The following ITGA11 variants were observed in gnomAD, a reference collection of about 807,000 sequenced individuals.
The protein encoded by ITGA11 is integrin subunit alpha 11, also known as integrin alpha-11.
ITGA11 carries 97 observed loss-of-function variants against 141.9 expected under a neutral mutation model. The ratio of observed to expected loss-of-function variants is 0.68; its 90% confidence interval spans 0.58 to 0.81. The LOEUF (loss-of-function observed/expected upper bound fraction) is 0.81. Ranked by LOEUF, ITGA11 falls within the 30% of genes least tolerant of loss-of-function variation. The pLI, the probability that ITGA11 is intolerant of heterozygous loss-of-function variation, is 0.00. For synonymous variants in ITGA11, 658 were observed against 624.6 expected (o/e 1.05, Z -0.80); for missense variants, 1,387 against 1,559.2 (o/e 0.89, Z 1.86).
At position 68,301,788 on chromosome 15, in the gene ITGA11, G is replaced by A. The variant is rs372375690; in HGVS notation, c.*1271C>T. On this transcript the variant is annotated 3_prime_UTR_variant, in exon 30 of 30. Transcript: ENST00000315757. The surrounding 1 kb of genome is among the most constrained non-coding windows in gnomAD (Gnocchi z 4.4). ...GCACAGGGGGACTGATGCCTTTCAT[G>A]TGTCCCCCTTGCATTTCTACCTCAA... is the stretch of plus-strand genomic sequence containing the variant. 4 of 152,596 alleles carry A rather than the reference G, an allele frequency of 2.6e-5. No individual in the cohort carries two copies. The highest frequency in any genetic ancestry group is 7.2e-5 in the African/African-American group (3 of 41,440). The allele number at this position is 152,596 out of a possible 1,614,324, so 9.5% of individuals were successfully genotyped here.
intron 11 of ITGA11, among the ~76,000 whole-genome samples, chr15:68,337,175 G>C (rs1340535634): frequency 4.6e-5 from 7 of 152,184 alleles, no homozygotes; most frequent in Non-Finnish European, 8.8e-5. Flanking sequence ...CTGAGATGCA[G>C]TTTGAGGTCC....
chr15:68,400,587 T>A (rs1896445965), intron 2 of ITGA11, among the ~76,000 whole-genome samples: 3 of 102,212 alleles, frequency 2.9e-5, no homozygotes, highest in South Asian at 2.4e-4. Context: ...TATATATATT[T>A]TATATATTAT....
chr15:68,314,000 G>A (rs901215191), intron 22 of ITGA11, 132 bp from the exon 23 acceptor site: 8 of 664,970 alleles, frequency 1.2e-5, no homozygotes, highest in Non-Finnish European at 1.9e-5. Context: ...AGGCCAGACA[G>A]GGAACCTGAG....
chr15:68,401,575 C>G (rs578031407), intron 2 of ITGA11, among the ~76,000 whole-genome samples: 4 of 152,118 alleles, frequency 2.6e-5, no homozygotes, highest in Admixed American at 2.6e-4. Flanking sequence ...ACCTCACAGG[C>G]GTAATGTTGA....
At chr15:68,354,896 G>A (rs1037245417) in intron 7 of ITGA11, among the ~76,000 whole-genome samples, 3 of 152,208 alleles carry the variant, frequency 2.0e-5, no homozygotes, top group Admixed American at 2.0e-4. Flanking sequence ...TAAACTGAGT[G>A]AGGACAGAAA....
chr15:68,383,140 G>A (rs549415406), intron 2 of ITGA11, among the ~76,000 whole-genome samples: 6 of 152,160 alleles, frequency 3.9e-5, no homozygotes, highest in South Asian at 4.1e-4. Flanking sequence ...GCGTGGTGGC[G>A]GGCACCTGTA....
Position 68,324,078 on chromosome 15 carries a change from T to A in ITGA11, c.2322+1053A>T, listed in dbSNP as rs959877743. ...CTTAGTGCGCCCAGCTTTCCCCTTCTCCCGGCTCACTAACGATGAATCCAG... is the reference window on the plus strand; with the variant it reads ...CTTAGTGCGCCCAGCTTTCCCCTTCACCCGGCTCACTAACGATGAATCCAG... On this transcript the variant is annotated intron_variant, in intron 18 of 29. Coordinates refer to ENST00000315757, the MANE Select transcript of ITGA11 (RefSeq NM_001004439.2). This position sits in a 1 kb window ranked among gnomAD's most constrained non-coding sequence, Gnocchi z 6.3. Among the ~76,000 whole-genome samples the A allele has an allele frequency of 6.6e-6, 1 of 151,914 alleles. No individual in the cohort carries two copies. Among genetic ancestry groups the A allele is most frequent in the African/African-American group, 2.4e-5 (1 of 41,338 alleles).
chr15:68,318,790 TG>T (rs1177283547), intron 20 of ITGA11, among the ~76,000 whole-genome samples: 1 of 152,130 alleles, frequency 6.6e-6, no homozygotes, highest in Non-Finnish European at 1.5e-5. Context: ...CAGACTGGCC[TG>T]GCACCTGTCT....
chr15:68,412,225 G>C (rs1345298318), intron 1 of ITGA11, among the ~76,000 whole-genome samples: 2 of 152,272 alleles, frequency 1.3e-5, no homozygotes, highest in African/African-American at 4.8e-5. Flanking sequence ...CAAAGACAAG[G>C]AGAAGAGGAG....
At chr15:68,408,468 T>C (rs1245798609) in intron 1 of ITGA11, among the ~76,000 whole-genome samples, 2 of 152,148 alleles carry the variant, frequency 1.3e-5, no homozygotes, top group African/African-American at 4.8e-5. Flanking sequence ...TTGTTGGGTC[T>C]AGCACTTAGC....
intron 12 of ITGA11, among the ~76,000 whole-genome samples, chr15:68,334,099 C>T (rs886709120): frequency 6.6e-5 from 10 of 152,246 alleles, no homozygotes; most frequent in African/African-American, 9.6e-5. Flanking sequence ...ACTCCTCCCA[C>T]CAGCCCCCAC....
At chr15:68,397,439 A>ATAAT (rs1896325167) in intron 2 of ITGA11, among the ~76,000 whole-genome samples, 2 of 32,294 alleles carry the variant, frequency 6.2e-5, no homozygotes, top group African/African-American at 3.4e-4. Flanking sequence ...ATATAATAAT[A>ATAAT]AATTAATAAA....
intron 2 of ITGA11, among the ~76,000 whole-genome samples, chr15:68,380,524 G>C (rs1895834083): frequency 6.6e-6 from 1 of 152,208 alleles, no homozygotes; most frequent in Admixed American, 6.5e-5. Flanking sequence ...TTAGTGTGGA[G>C]AACATGCCGC....
intron 1 of ITGA11, among the ~76,000 whole-genome samples, chr15:68,422,485 A>T (rs558520077): frequency 8.5e-5 from 13 of 152,200 alleles, no homozygotes; most frequent in Non-Finnish European, 1.6e-4. Context: ...GGGTCGCTGC[A>T]GTAGCCATCT....
intron 7 of ITGA11, 126 bp downstream of exon 7, chr15:68,357,025 T>C: frequency 1.1e-6 from 1 of 904,374 alleles, no homozygotes; most frequent in Admixed American, 2.9e-5. Context: ...AACTCCAGAA[T>C]TTTGAGGAAT....
rs375534456 is a variant in ITGA11 at position 68,417,357 on chromosome 15, GC to G, written c.53-14329del. Among the ~76,000 whole-genome samples the G allele has an allele frequency of 2.4e-3, 362 of 152,280 alleles. 1 individual carries two copies. The highest frequency in any genetic ancestry group is 8.2e-3 in the African/African-American group (341 of 41,556). On this transcript the variant is annotated intron_variant, in intron 1 of 29. Coordinates refer to ENST00000315757, the MANE Select transcript of ITGA11 (RefSeq NM_001004439.2). ...TATGATTTTCCTTTACTTCCCATCA[GC>G]AAATCCTGCAAGTTCTAGCCCTCCA...
intron 7 of ITGA11, among the ~76,000 whole-genome samples, chr15:68,354,718 C>G (rs563014066): frequency 6.6e-6 from 1 of 152,284 alleles, no homozygotes; most frequent in South Asian, 2.1e-4. Context: ...TCCATGGGGG[C>G]CCCTCCCTCT....
intron 1 of ITGA11, among the ~76,000 whole-genome samples, chr15:68,416,496 G>T (rs184202053): frequency 6.6e-6 from 1 of 152,324 alleles, no homozygotes; most frequent in East Asian, 1.9e-4. Context: ...CAGATGTCAA[G>T]CTCAAGGAAA....
chr15:68,367,808 C>G (rs1031617827), intron 3 of ITGA11, among the ~76,000 whole-genome samples: 3 of 152,192 alleles, frequency 2.0e-5, no homozygotes, highest in Non-Finnish European at 4.4e-5. Context: ...AACTGAGGCT[C>G]AGAGAGAGGA....
Sources: gnomAD v4.1 joint callset for allele counts (sites outside exome capture counted in the v4.1 genomes callset) on GRCh38, gnomAD v4.1.1 for gene constraint, Gnocchi (gnomAD v3.1) non-coding constraint, MANE v1.5 for transcripts, NCBI Gene and HGNC (gene_info 2026-07-23, HGNC 2026-07-21) for gene names.